Variants in ATP6V0D2 observed in about 807,000 individuals in gnomAD.
ATP6V0D2 encodes ATPase H+ transporting V0 subunit d2.
ATP6V0D2 carries 40 observed loss-of-function variants against 40.0 expected under a neutral mutation model. That is an observed-to-expected ratio of 1.00 (90% CI 0.78 to 1.30). The LOEUF (loss-of-function observed/expected upper bound fraction) is 1.30. Among genes scored for constraint, ATP6V0D2 ranks in the 50% most tolerant of loss-of-function variants. ATP6V0D2 has a pLI of 0.00. For synonymous variants in ATP6V0D2, 179 were observed against 156.3 expected, an observed-to-expected ratio of 1.15 and a Z score of -1.08; for missense variants, 470 against 423.1, an observed-to-expected ratio of 1.11 and a Z score of -0.97.
At chr8:86,101,074 G>A (rs1818390236) in intron 1 of ATP6V0D2, among the ~76,000 whole-genome samples, 1 of 150,930 alleles carries the variant, frequency 6.6e-6, no homozygotes, top group South Asian at 2.1e-4. Flanking sequence ...TTGAACCTGG[G>A]AGGCAGAGGT....
chr8:86,129,034 C>A (rs55778300), intron 2 of ATP6V0D2, among the ~76,000 whole-genome samples: 20,932 of 152,272 alleles, frequency 0.14, 1,620 homozygotes, highest in Non-Finnish European at 0.18. Context: ...TAATTTCCTG[C>A]AAAGTCCAGT....
At chr8:86,126,961 G>T (rs1192170730) in intron 2 of ATP6V0D2, among the ~76,000 whole-genome samples, 1 of 152,254 alleles carries the variant, frequency 6.6e-6, no homozygotes, top group East Asian at 1.9e-4. Flanking sequence ...CAGCATTCTT[G>T]TTCTAAAATA....
intron 1 of ATP6V0D2, among the ~76,000 whole-genome samples, 187 bp from the exon 2 acceptor site, chr8:86,113,521 TC>T (rs1818552388): frequency 6.6e-6 from 1 of 152,172 alleles, no homozygotes. Context: ...TGCTGGATTA[TC>T]CATATTCACA....
At chr8:86,137,020 T>G (rs6651227) in intron 2 of ATP6V0D2, among the ~76,000 whole-genome samples, 1,952 of 150,874 alleles carry the variant, frequency 0.013, 40 homozygotes, top group African/African-American at 0.046. Flanking sequence ...ATATTAAAAC[T>G]AAAAATCGAA....
rs1586086641 is a variant in ATP6V0D2, at chr8:86,110,862, CAGGA to C, written c.131-2846_131-2843del. 2.0e-5 allele frequency among the ~76,000 whole-genome samples: 3 copies of C among 152,212 alleles called. No homozygotes were observed. The East Asian group carries it at 5.8e-4, about 29-fold the overall frequency. On this transcript the variant is annotated intron_variant, in intron 1 of 7. Transcript: ENST00000285393. ...TGGGATAGGACAGGACAGGACAGGA[CAGGA>C]CTGGCATCATAAGACCTCCGCCAGG...
intron 5 of ATP6V0D2, among the ~76,000 whole-genome samples, chr8:86,143,584 C>A (rs1255858097): frequency 6.6e-6 from 1 of 152,178 alleles, no homozygotes; most frequent in Non-Finnish European, 1.5e-5. Flanking sequence ...GGGAGTGTAG[C>A]AGTGAGGACG....
At position 86,151,392 on chromosome 8, in the gene ATP6V0D2, T is replaced by C. The variant is rs890635335; in HGVS notation, c.817-74T>C. On this transcript the variant is annotated intron_variant, in intron 6 of 7. Transcript: ENST00000285393. Reference sequence around the variant, plus strand: ...TTAAATAGGTACACAATTTCTATAATGCTAGGAAAAATATATTTATATACA... The same window carrying C: ...TTAAATAGGTACACAATTTCTATAACGCTAGGAAAAATATATTTATATACA... The C allele has an allele frequency of 4.0e-5, 42 of 1,049,898 alleles. 1 individual carries two copies. The highest frequency in any genetic ancestry group is 4.6e-5 in the Non-Finnish European group (34 of 739,790). The allele number at this position is 1,049,898 out of a possible 1,614,324, so 65.0% of individuals were successfully genotyped here.
chr8:86,151,666 T>C, intron 7 of ATP6V0D2, 126 bp downstream of exon 7: 1 of 682,532 alleles, frequency 1.5e-6, no homozygotes, highest in Non-Finnish European at 2.5e-6. Context: ...CATAGCTTGA[T>C]AGTCAGTGAT....
At chr8:86,136,084 TC>T (rs1327505018) in intron 2 of ATP6V0D2, among the ~76,000 whole-genome samples, 1 of 152,146 alleles carries the variant, frequency 6.6e-6, no homozygotes, top group African/African-American at 2.4e-5. Flanking sequence ...AGCCCTGGGT[TC>T]TCCATGTTTC....
intron 5 of ATP6V0D2, among the ~76,000 whole-genome samples, chr8:86,145,219 GA>G (rs1376986754): frequency 7.3e-4 from 21 of 28,852 alleles, no homozygotes; most frequent in Admixed American, 1.0e-3. Flanking sequence ...AAGAAAGAAA[GA>G]AAGAAAGAAA....
intron 1 of ATP6V0D2, among the ~76,000 whole-genome samples, chr8:86,108,621 G>A (rs918445762): frequency 1.7e-4 from 26 of 152,246 alleles, no homozygotes; most frequent in Non-Finnish European, 3.4e-4. Context: ...TTTTAGTAGA[G>A]ACGGGGTCTC....
At chr8:86,117,010 CA>C (rs1370777304) in intron 2 of ATP6V0D2, among the ~76,000 whole-genome samples, 3 of 152,054 alleles carry the variant, frequency 2.0e-5, no homozygotes, top group Non-Finnish European at 4.4e-5. Flanking sequence ...GGATTTGATA[CA>C]GGACCTAATT....
intron 2 of ATP6V0D2, among the ~76,000 whole-genome samples, chr8:86,136,355 A>C (rs1217481572): frequency 6.6e-6 from 1 of 152,130 alleles, no homozygotes. Flanking sequence ...ACGTTGCTCT[A>C]ATAGTCCTCT....
chr8:86,104,111 A>T (rs1490581499), intron 1 of ATP6V0D2, among the ~76,000 whole-genome samples: 1 of 152,074 alleles, frequency 6.6e-6, no homozygotes, highest in Non-Finnish European at 1.5e-5. Context: ...TACAGGCATG[A>T]CCCACCGCGG....
At chr8:86,125,736 G>GTGCA (rs1818732571) in intron 2 of ATP6V0D2, among the ~76,000 whole-genome samples, 1 of 151,892 alleles carries the variant, frequency 6.6e-6, no homozygotes, top group East Asian at 1.9e-4. Flanking sequence ...TTTTTTATAT[G>GTGCA]TGCATGTGTT....
intron 2 of ATP6V0D2, among the ~76,000 whole-genome samples, chr8:86,125,617 C>T (rs1196089871): frequency 1.3e-5 from 2 of 152,210 alleles, no homozygotes; most frequent in South Asian, 2.1e-4. Flanking sequence ...AGAAATAAGA[C>T]GATGGATTGA....
At chr8:86,139,707 T>C in intron 3 of ATP6V0D2, 72 bp downstream of exon 3, 1 of 1,458,878 alleles carries the variant, frequency 6.9e-7, no homozygotes, top group Non-Finnish European at 9.2e-7. Flanking sequence ...TACTATTTTT[T>C]TCTTCCCTGT....
intron 2 of ATP6V0D2, among the ~76,000 whole-genome samples, chr8:86,134,188 G>GA (rs977098164): frequency 2.0e-4 from 30 of 150,398 alleles, no homozygotes; most frequent in African/African-American, 4.6e-4. Context: ...CTAAAGACAA[G>GA]AAAAAAAAAT....
chr8:86,140,152 G>A (rs141912114), intron 3 of ATP6V0D2, among the ~76,000 whole-genome samples: 1 of 152,248 alleles, frequency 6.6e-6, no homozygotes, highest in Non-Finnish European at 1.5e-5. Context: ...CAGAAGCAAT[G>A]ATGAAATGAT....
Sources: allele counts gnomAD v4.1 joint callset (sites outside exome capture counted in the v4.1 genomes callset), GRCh38; gene constraint gnomAD v4.1.1; transcripts MANE v1.5; gene names NCBI Gene and HGNC (gene_info 2026-07-23, HGNC 2026-07-21).